Variants in PUF60 observed in about 807,000 individuals in gnomAD.
The protein encoded by PUF60 is poly(U)-binding-splicing factor PUF60.
Under a neutral mutation model 61.8 loss-of-function variants are expected in PUF60, and 10 were observed. The observed-to-expected ratio is 0.16, with a 90% CI of 0.10 to 0.27. PUF60 has a LOEUF of 0.27. Among genes scored for constraint, PUF60 ranks in the 10% least tolerant of loss-of-function variants. The pLI is 1.00. For missense variants in PUF60, 371 were observed against 754.0 expected (o/e 0.49, Z 5.95); for synonymous variants, 353 against 300.9 (o/e 1.17, Z -1.79).
intron 1 of PUF60, among the ~76,000 whole-genome samples, chr8:143,828,371 A>G (rs1449765629): frequency 1.3e-5 from 2 of 152,258 alleles, no homozygotes; most frequent in Non-Finnish European, 2.9e-5. Flanking sequence ...ATACAGGGGT[A>G]AACTGCGGCT....
chr8:143,817,080 G>C lies in PUF60; in HGVS notation c.1210C>G (p.Leu404Val). 6.2e-7 allele frequency: 1 copy of C among 1,611,674 alleles called. No homozygotes were observed. Among genetic ancestry groups the C allele is most frequent in the Non-Finnish European group, 8.5e-7 (1 of 1,179,372 alleles). The stretch of plus-strand genomic sequence containing the variant: ...AGACCCAGCGTTGGAGGGCTGGCCA[G>C]GATGGGGTTCACCACTCCCACCGAG... ...IPSVGVVNPI[L>V]ASPPTLGLLE... The change falls in exon 11 of 12, where the codon CTG becomes GTG. Residue 404 changes from leucine (L) to valine (V), a missense_variant. This residue lies in a region of PUF60 where 68 missense variants were observed against 69.4 expected (regional missense o/e 0.98). Transcript: ENST00000526683. This position sits in a 1 kb window ranked among gnomAD's most constrained non-coding sequence, Gnocchi z 7.4.
At position 143,817,796 on chromosome 8, in the gene PUF60, C is replaced by T. The variant is rs1404812798; in HGVS notation, c.818-14G>A. On this transcript the variant is annotated splice_polypyrimidine_tract_variant and intron_variant, in intron 8 of 11. Transcript: ENST00000526683. This position sits in a 1 kb window ranked among gnomAD's most constrained non-coding sequence, Gnocchi z 7.4. ...CCTTCTCGTACTCTGTGGGCAGGAG[C>T]AGCAGTGAGCAGGGCCAGCCCCAGC... The T allele has an allele frequency of 4.4e-6, 7 of 1,607,578 alleles. No homozygotes were observed. The highest frequency in any genetic ancestry group is 2.7e-5 in the African/African-American group (2 of 74,816).
chr8:143,827,558 G>T (rs1817772966), intron 1 of PUF60: 2 of 423,408 alleles, frequency 4.7e-6, no homozygotes, highest in Non-Finnish European at 9.6e-6. Context: ...TGAGACAGGG[G>T]ACAGGCTCTC....
intron 5 of PUF60, among the ~76,000 whole-genome samples, chr8:143,819,320 G>A (rs1225898914): frequency 1.3e-5 from 2 of 152,102 alleles, no homozygotes; most frequent in Non-Finnish European, 2.9e-5. Context: ...CTTGGCTATT[G>A]CGCTGAGGGA....
Position 143,818,244 on chromosome 8 carries a change from C to T in PUF60, c.552G>A (p.Gln184=), listed in dbSNP as rs756017670. The T allele has an allele frequency of 1.2e-6, 2 of 1,611,414 alleles. No homozygotes were observed. Among genetic ancestry groups the T allele is most frequent in the African/African-American group, 2.7e-5 (2 of 74,900 alleles). ...FVEYEVPEAA[Q]LALEQMNSVM... The stretch of plus-strand genomic sequence containing the variant: ...CCGAGTTCATCTGCTCCAAGGCCAG[C>T]TGTGCAGCTTCGGGGACCTCATACT... Residue 184 remains glutamine, a synonymous_variant, in exon 7 of 12, where the codon CAG becomes CAA. Transcript: ENST00000526683. The surrounding 1 kb of genome is among the most constrained non-coding windows in gnomAD (Gnocchi z 7.9).
rs772030514 is a variant in PUF60, at chr8:143,816,604, G to A, written c.1596C>T (p.Leu532=). ...ASETHKAIQA[L]NGRWFAGRKV... Reference sequence around the variant, plus strand: ...TGCGGCCAGCAAACCAGCGGCCATTGAGGGCCTGGATGGCCTTATGAGTCT... The same window carrying A: ...TGCGGCCAGCAAACCAGCGGCCATTAAGGGCCTGGATGGCCTTATGAGTCT... Residue 532 remains leucine, a synonymous_variant, in exon 12 of 12, where the codon CTC becomes CTT. Transcript: ENST00000526683. 21 of 1,613,666 alleles carry A rather than the reference G, an allele frequency of 1.3e-5. No individual in the cohort carries two copies. In the Admixed American group the frequency reaches 3.0e-4, roughly 23 times the overall value.
Position 143,817,041 on chromosome 8 carries a change from T to C in PUF60, c.1249A>G (p.Lys417Glu), listed in dbSNP as rs1369709229. The change falls in exon 11 of 12, where the codon AAG (lysine) becomes GAG (glutamate). Residue 417 changes from lysine (K) to glutamate (E), a missense_variant. Coordinates refer to ENST00000526683, the MANE Select transcript of PUF60 (RefSeq NM_078480.3). This position sits in a 1 kb window ranked among gnomAD's most constrained non-coding sequence, Gnocchi z 7.4. The part of the protein sequence containing the change: ...PPTLGLLEPK[K>E]EKEEEELFPE... ...AACAGCTCCTCTTCTTCCTTCTCCT[T>C]CTTGGGCTCCAGGAGACCCAGCGTT... 1.9e-6 allele frequency: 3 copies of C among 1,611,016 alleles called. No individual in the cohort carries two copies. The highest frequency in any genetic ancestry group is 3.3e-5 in the Admixed American group (2 of 59,770).
rs376416979 is a variant in PUF60 at position 143,818,290 on chromosome 8, A to G, written c.511-5T>C. ...ATACTCCACGAAGGCAAAGCCCTAG[A>G]CACAGGGACACACCTGTCAGGCTGC... On this transcript the variant is annotated splice_polypyrimidine_tract_variant and splice_region_variant and intron_variant, in intron 6 of 11. Coordinates refer to ENST00000526683, the MANE Select transcript of PUF60 (RefSeq NM_078480.3). This position sits in a 1 kb window ranked among gnomAD's most constrained non-coding sequence, Gnocchi z 7.9. 6.2e-7 allele frequency: 1 copy of G among 1,607,482 alleles called. No homozygotes were observed. The highest frequency in any genetic ancestry group is 8.5e-7 in the Non-Finnish European group (1 of 1,176,284).
intron 1 of PUF60, among the ~76,000 whole-genome samples, chr8:143,826,864 AC>A (rs1817689879): frequency 6.6e-6 from 1 of 152,184 alleles, no homozygotes. Context: ...CACGCCCCCA[AC>A]CCCACAACCT....
At chr8:143,827,839 C>G (rs1161223163) in intron 1 of PUF60, among the ~76,000 whole-genome samples, 4 of 152,220 alleles carry the variant, frequency 2.6e-5, no homozygotes, top group African/African-American at 9.6e-5. Flanking sequence ...CACGCCACAG[C>G]AGACCTGAGC....
intron 4 of PUF60, 81 bp from the exon 5 acceptor site, chr8:143,820,797 G>A (rs560563248): frequency 2.2e-6 from 3 of 1,369,832 alleles, no homozygotes; most frequent in South Asian, 1.2e-5. Flanking sequence ...GCAGACAGCG[G>A]CAAGGCCCGG....
chr8:143,824,010 A>G lies in PUF60; in HGVS notation c.111+303T>C, dbSNP rs142362770. ...AGACGCTCATGCCTAAGAACGCGCG[A>G]GCTCCAGGCCCCGGCGTCCCCGCCC... On this transcript the variant is annotated intron_variant, in intron 2 of 11. Transcript: ENST00000526683. 6.6e-3 allele frequency among the ~76,000 whole-genome samples: 1,003 copies of G among 152,358 alleles called. 12 individuals carry two copies. Among genetic ancestry groups the G allele is most frequent in the African/African-American group, 0.022 (898 of 41,582 alleles).
rs28588764 is a variant in PUF60, at chr8:143,824,701, T to A, written c.25-302A>T. On this transcript the variant is annotated intron_variant, in intron 1 of 11. Coordinates refer to ENST00000526683, the MANE Select transcript of PUF60 (RefSeq NM_078480.3). ...TGCCCCAGGCAAAAGAAAGCCATCC[T>A]CTCCTGCCGGCAGGCTGGACGGCCA... The A allele has an allele frequency of 7.2e-3, 3,012 of 415,496 alleles. 80 individuals are homozygous for A. Among genetic ancestry groups the A allele is most frequent in the African/African-American group, 0.054 (2,656 of 49,242 alleles). 25.7% of individuals were successfully genotyped at this position (415,496 alleles called of 1,614,324 possible).
chr8:143,817,437 A>G lies in PUF60; in HGVS notation c.1038T>C (p.Gly346=). ...QEAVAGAAVL[G]TLGTPGLVSP... ...ACACCAGTCCAGGTGTGCCCAGGGTACCCAGCACCGCTGCTCCGGCCACTG... is the reference window on the plus strand; with the variant it reads ...ACACCAGTCCAGGTGTGCCCAGGGTGCCCAGCACCGCTGCTCCGGCCACTG... Residue 346 remains glycine, a synonymous_variant, in exon 10 of 12, where the codon GGT becomes GGC. Coordinates refer to ENST00000526683, the MANE Select transcript of PUF60 (RefSeq NM_078480.3). The surrounding 1 kb of genome is among the most constrained non-coding windows in gnomAD (Gnocchi z 7.4). 2 of 1,607,850 alleles carry G rather than the reference A, an allele frequency of 1.2e-6. No individual in the cohort carries two copies. Among genetic ancestry groups the G allele is most frequent in the Non-Finnish European group, 1.7e-6 (2 of 1,177,984 alleles).
At chr8:143,828,532 G>A (rs897601854) in intron 1 of PUF60, among the ~76,000 whole-genome samples, 3 of 152,192 alleles carry the variant, frequency 2.0e-5, no homozygotes, top group East Asian at 1.9e-4. Context: ...GAGCAGAGCA[G>A]GGGGCGACTC....
Position 143,817,257 on chromosome 8 carries a change from C to G in PUF60, c.1144+74G>C. 1 of 1,535,800 alleles carries G rather than the reference C, an allele frequency of 6.5e-7. No homozygotes were observed. Among genetic ancestry groups the G allele is most frequent in the African/African-American group, 1.4e-5 (1 of 72,388 alleles). ...AGGGTTGTGCCCAGACCACCAGGGC[C>G]AGGCAGCTGAGGGCAGCGAGCCGAG... On this transcript the variant is annotated intron_variant, in intron 10 of 11. Coordinates refer to ENST00000526683, the MANE Select transcript of PUF60 (RefSeq NM_078480.3). This position sits in a 1 kb window ranked among gnomAD's most constrained non-coding sequence, Gnocchi z 7.4.
intron 1 of PUF60, among the ~76,000 whole-genome samples, chr8:143,828,165 G>A (rs1485555132): frequency 6.6e-6 from 1 of 152,216 alleles, no homozygotes; most frequent in African/African-American, 2.4e-5. Flanking sequence ...TTGTGTAAAT[G>A]CCTCTCTCCC....
chr8:143,828,085 C>G (rs1296775115), intron 1 of PUF60, among the ~76,000 whole-genome samples: 1 of 152,244 alleles, frequency 6.6e-6, no homozygotes, highest in African/African-American at 2.4e-5. Flanking sequence ...AGAGAAAGGA[C>G]ATAGTAGAAA....
intron 1 of PUF60, among the ~76,000 whole-genome samples, chr8:143,827,888 G>A (rs746975019): frequency 2.0e-5 from 3 of 152,226 alleles, no homozygotes; most frequent in Admixed American, 2.0e-4. Flanking sequence ...GCTGTTCTGC[G>A]GGTGCTAGGG....
Sources: gnomAD v4.1 joint callset for allele counts (sites outside exome capture counted in the v4.1 genomes callset) on GRCh38, gnomAD v4.1.1 for gene constraint, gnomAD v4.1.1 regional missense constraint, Gnocchi (gnomAD v3.1) non-coding constraint, MANE v1.5 for transcripts, NCBI Gene and HGNC (gene_info 2026-07-23, HGNC 2026-07-21) for gene names.